The following CELF6 variants were observed in gnomAD, a reference collection of about 807,000 sequenced individuals.
CELF6 encodes CUGBP Elav-like family member 6.
In CELF6, 32 loss-of-function variants were observed where a neutral mutation model predicts 53.1. The observed-to-expected ratio is 0.60, with a 90% confidence interval of 0.46 to 0.81. The LOEUF is 0.81. CELF6 is among the 30% of genes least tolerant of loss of function. The pLI is 0.00. For missense variants in CELF6, 539 were observed against 669.5 expected, an observed-to-expected ratio of 0.81 and a Z score of 2.15; for synonymous variants, 291 against 288.8, an observed-to-expected ratio of 1.01 and a Z score of -0.08.
chr15:72,289,063 G>T lies in CELF6; in HGVS notation c.1030+75C>A. The T allele has an allele frequency of 7.5e-7, 1 of 1,324,578 alleles. No individual in the cohort carries two copies. The allele number at this position is 1,324,578 out of a possible 1,614,324, so 82.1% of individuals were successfully genotyped here. A position where few individuals can be genotyped will look rare whatever the true frequency, so the allele number is the denominator to read the frequency against. ...GGAAGGAGGGGGATCTCTTCCCAGGGAAGCCAGGCCCTAACCCCCCACCCC... is the reference window on the plus strand; with the variant it reads ...GGAAGGAGGGGGATCTCTTCCCAGGTAAGCCAGGCCCTAACCCCCCACCCC... On this transcript the variant is annotated intron_variant, in intron 8 of 12. Transcript: ENST00000287202. The surrounding 1 kb of genome is among the most constrained non-coding windows in gnomAD (Gnocchi z 7.6).
intron 1 of CELF6, among the ~76,000 whole-genome samples, chr15:72,318,318 C>CGAGG (rs1450741455): frequency 6.6e-6 from 1 of 152,222 alleles, no homozygotes; most frequent in South Asian, 2.1e-4. Flanking sequence ...AGGAACCCTA[C>CGAGG]GAGGCCTCCA....
chr15:72,305,487 G>A (rs1277506309), intron 2 of CELF6, among the ~76,000 whole-genome samples: 1 of 152,178 alleles, frequency 6.6e-6, no homozygotes, highest in Non-Finnish European at 1.5e-5. Flanking sequence ...GATTACAGGC[G>A]TGAGCCACTG....
chr15:72,289,494 T>G lies in CELF6; in HGVS notation c.761A>C (p.Gln254Pro). ...CTGTGCCGCCGCCAGCAGGGCCGCC[T>G]GGTGCTGCAGGATCTTTGAGAGGAA... is the stretch of plus-strand genomic sequence containing the variant. ...GAYTTAILQHQAALLAAAQGP... is the reference protein window; with the variant it reads ...GAYTTAILQHPAALLAAAQGP... The change falls in exon 7 of 13, where the codon CAG (glutamine) becomes CCG (proline). Residue 254 changes from glutamine to proline, a missense_variant. This residue lies in a region of CELF6 where 358 missense variants were observed against 412.8 expected (regional missense o/e 0.87). Transcript: ENST00000287202. The surrounding 1 kb of genome is among the most constrained non-coding windows in gnomAD (Gnocchi z 7.6). 6.6e-7 allele frequency: 1 copy of G among 1,523,990 alleles called. No individual in the cohort carries two copies. The highest frequency in any genetic ancestry group is 8.8e-7 in the Non-Finnish European group (1 of 1,141,440). The allele number at this position is 1,523,990 out of a possible 1,614,324, so 94.4% of individuals were successfully genotyped here. A position where few individuals can be genotyped will look rare whatever the true frequency, so the allele number is the denominator to read the frequency against.
At chr15:72,315,814 T>C in intron 2 of CELF6, 31 bp downstream of exon 2, 1 of 1,492,368 alleles carries the variant, frequency 6.7e-7, no homozygotes, top group South Asian at 1.2e-5. Flanking sequence ...CAGCCTGAGG[T>C]GATTCCCACC....
chr15:72,305,984 A>G (rs911218997), intron 2 of CELF6, among the ~76,000 whole-genome samples: 5 of 151,468 alleles, frequency 3.3e-5, no homozygotes, highest in Non-Finnish European at 2.9e-5. Context: ...GGGGTTCCTG[A>G]GGAAGTGTAG....
intron 3 of CELF6, among the ~76,000 whole-genome samples, chr15:72,303,767 C>A (rs1305931571): frequency 6.6e-6 from 1 of 152,116 alleles, no homozygotes; most frequent in Non-Finnish European, 1.5e-5. Context: ...CACCAGAATC[C>A]AGCCTTGCCT....
intron 3 of CELF6, 117 bp from the exon 4 acceptor site, chr15:72,290,372 A>G (rs2087989540): frequency 1.6e-6 from 2 of 1,268,260 alleles, no homozygotes; most frequent in Non-Finnish European, 2.1e-6. Flanking sequence ...AGAGGGAGTG[A>G]GAAGGCCCTG....
chr15:72,291,269 C>G (rs2088003298), intron 3 of CELF6, among the ~76,000 whole-genome samples: 1 of 152,122 alleles, frequency 6.6e-6, no homozygotes, highest in African/African-American at 2.4e-5. Context: ...TGCCGCACAT[C>G]CAGCAAGTTA....
chr15:72,292,728 C>T (rs1164290371), intron 3 of CELF6, among the ~76,000 whole-genome samples: 2 of 152,216 alleles, frequency 1.3e-5, no homozygotes, highest in Admixed American at 1.3e-4. Flanking sequence ...GTGAGAATCT[C>T]ACAAGTTAAG....
At chr15:72,311,216 G>A (rs897007096) in intron 2 of CELF6, among the ~76,000 whole-genome samples, 2 of 151,336 alleles carry the variant, frequency 1.3e-5, no homozygotes, top group South Asian at 4.2e-4. Context: ...GGCCAGGCTG[G>A]TCTCAAACTC....
intron 1 of CELF6, among the ~76,000 whole-genome samples, chr15:72,317,817 T>G (rs1027986648): frequency 4.6e-5 from 7 of 152,166 alleles, no homozygotes; most frequent in Admixed American, 2.0e-4. Flanking sequence ...GTTGCCTGTC[T>G]GAAAGGCTCA....
intron 1 of CELF6, 61 bp from the exon 2 acceptor site, chr15:72,315,988 A>C: frequency 1.4e-5 from 16 of 1,145,194 alleles, no homozygotes; most frequent in East Asian, 2.6e-5. Context: ...CTTCTTCGAA[A>C]TACCCCACTA....
At position 72,289,356 on chromosome 15, in the gene CELF6, C is replaced by T. The variant is rs1021278640; in HGVS notation, c.880+19G>A. On this transcript the variant is annotated intron_variant, in intron 7 of 12. Transcript: ENST00000287202. This position sits in a 1 kb window ranked among gnomAD's most constrained non-coding sequence, Gnocchi z 7.6. ...CGCCCGGCCCCTCCCAGGCGCGCCC[C>T]AGTCCCTGGGGGCCGTACCTGCCGC... 18 of 1,545,426 alleles carry T rather than the reference C, an allele frequency of 1.2e-5. No homozygotes were observed. The highest frequency in any genetic ancestry group is 1.5e-5 in the Non-Finnish European group (17 of 1,153,320).
chr15:72,293,152 A>C (rs1484300682), intron 3 of CELF6, among the ~76,000 whole-genome samples: 3 of 152,200 alleles, frequency 2.0e-5, no homozygotes, highest in Non-Finnish European at 4.4e-5. Flanking sequence ...CCTGTTTCCC[A>C]GGTATCACCT....
chr15:72,292,816 T>C (rs1234281548), intron 3 of CELF6, among the ~76,000 whole-genome samples: 1 of 152,146 alleles, frequency 6.6e-6, no homozygotes, highest in East Asian at 1.9e-4. Context: ...TCACTTGAGG[T>C]CGGGGGTTTG....
At position 72,285,725 on chromosome 15, in the gene CELF6, C is replaced by T. The variant is rs1292725150; in HGVS notation, c.*646G>A. 1 of 152,560 alleles carries T rather than the reference C, an allele frequency of 6.6e-6. No individual in the cohort carries two copies. The highest frequency in any genetic ancestry group is 1.9e-4 in the East Asian group (1 of 5,198). 9.5% of individuals were successfully genotyped at this position (152,560 alleles called of 1,614,324 possible). ...GATTGTGGGTTCACTGCTTCCATAA[C>T]GTTCTCATTACCTGCATGTGAGCCT... On this transcript the variant is annotated 3_prime_UTR_variant, in exon 13 of 13. Coordinates refer to ENST00000287202, the MANE Select transcript of CELF6 (RefSeq NM_052840.5).
intron 3 of CELF6, among the ~76,000 whole-genome samples, chr15:72,302,278 T>G (rs981745481): frequency 3.3e-5 from 5 of 152,222 alleles, no homozygotes; most frequent in African/African-American, 1.2e-4. Flanking sequence ...TTGAGAGATC[T>G]GGTCATCCAA....
intron 2 of CELF6, among the ~76,000 whole-genome samples, chr15:72,313,321 G>C (rs1170483572): frequency 1.3e-5 from 2 of 152,226 alleles, no homozygotes; most frequent in Non-Finnish European, 2.9e-5. Context: ...TTTAGGCCTG[G>C]TGCGGTGGCT....
Position 72,319,764 on chromosome 15 carries a change from G to C in CELF6, c.111C>G (p.Ala37=), listed in dbSNP as rs1164464673. 7 of 1,588,072 alleles carry C rather than the reference G, an allele frequency of 4.4e-6. No homozygotes were observed. Among genetic ancestry groups the C allele is most frequent in the Non-Finnish European group, 6.0e-6 (7 of 1,166,420 alleles). Reference sequence around the variant, plus strand: ...TGGCGTCGTGGTCCTTCATGGGTACGGCGGGACCGGGGTTTAGCCCGCTCA... The same window carrying C: ...TGGCGTCGTGGTCCTTCATGGGTACCGCGGGACCGGGGTTTAGCCCGCTCA... The part of the protein sequence containing the change: ...VGMSGLNPGP[A]VPMKDHDAIK... The change falls in exon 1 of 13, where the codon GCC becomes GCG. Residue 37 remains alanine (A), a synonymous_variant. Transcript: ENST00000287202. This position sits in a 1 kb window ranked among gnomAD's most constrained non-coding sequence, Gnocchi z 5.0.
Sources: allele counts gnomAD v4.1 joint callset (sites outside exome capture counted in the v4.1 genomes callset), GRCh38; gene constraint gnomAD v4.1.1; regional missense constraint gnomAD v4.1.1; non-coding constraint Gnocchi (gnomAD v3.1); transcripts MANE v1.5; gene names NCBI Gene and HGNC (gene_info 2026-07-23, HGNC 2026-07-21).